The following FRRS1 variants were observed in gnomAD, a reference collection of about 807,000 sequenced individuals.
The protein encoded by FRRS1 is ferric reductase 1.
Under a neutral mutation model 70.7 loss-of-function variants are expected in FRRS1, and 51 were observed. That is an observed-to-expected ratio of 0.72 (90% confidence interval 0.58 to 0.91). The LOEUF (loss-of-function observed/expected upper bound fraction) is 0.91, where lower values mean the gene tolerates loss of function less well. Among genes scored for constraint, FRRS1 ranks in the 40% least tolerant of loss-of-function variants. FRRS1 has a pLI of 0.00. For synonymous variants in FRRS1, 225 were observed against 238.7 expected (o/e 0.94, Z 0.53); for missense variants, 672 against 726.0 (o/e 0.93, Z 0.86).
intron 5 of FRRS1, 35 bp downstream of exon 5, chr1:99,742,144 A>G: frequency 7.5e-7 from 1 of 1,341,788 alleles, no homozygotes. Flanking sequence ...ATGAGCCACC[A>G]TGCCTGGCCC....
chr1:99,748,490 T>G (rs2100982519), intron 3 of FRRS1, 83 bp downstream of exon 3: 1 of 1,129,576 alleles, frequency 8.9e-7, no homozygotes, highest in Non-Finnish European at 1.3e-6. Context: ...AAGTGAAATC[T>G]TCTAAATCAA....
intron 7 of FRRS1, 107 bp downstream of exon 7, chr1:99,737,979 G>T (rs560387100): frequency 1.5e-5 from 13 of 857,388 alleles, no homozygotes; most frequent in Non-Finnish European, 2.3e-5. Context: ...CCGACCTCGT[G>T]ATCCACCTGC....
rs57154873 is a variant in FRRS1, at chr1:99,706,408, CAAA to C, written c.*2617_*2619del. Among the ~76,000 whole-genome samples, 14 of 92,928 alleles carry C rather than the reference CAAA, an allele frequency of 1.5e-4. No homozygotes were observed. Among genetic ancestry groups the C allele is most frequent in the Non-Finnish European group, 1.4e-4 (6 of 41,472 alleles). 61.0% of individuals were successfully genotyped at this position (92,928 alleles called of 152,430 possible). A position where few individuals can be genotyped will look rare whatever the true frequency, so the allele number is the denominator to read the frequency against. On this transcript the variant is annotated 3_prime_UTR_variant, in exon 17 of 17. Coordinates refer to ENST00000646001, the MANE Select transcript of FRRS1 (RefSeq NM_001361041.2). The stretch of plus-strand genomic sequence containing the variant: ...TGGGCAACAGAGTAAGACCCTGTCT[CAAA>C]AAAAAAAAAAAAAGATTAAATGCAA...
intron 5 of FRRS1, 34 bp downstream of exon 5, chr1:99,742,145 T>C (rs755957967): frequency 7.4e-6 from 10 of 1,353,294 alleles, no homozygotes; most frequent in East Asian, 2.3e-5. Flanking sequence ...TGAGCCACCA[T>C]GCCTGGCCCA....
intron 1 of FRRS1, among the ~76,000 whole-genome samples, chr1:99,761,236 C>A (rs926602260): frequency 6.6e-6 from 1 of 152,066 alleles, no homozygotes; most frequent in Admixed American, 6.5e-5. Flanking sequence ...AAGCAATCCT[C>A]CCACCTCACC....
chr1:99,730,442 C>A (rs1019539705), intron 7 of FRRS1, among the ~76,000 whole-genome samples: 2 of 152,184 alleles, frequency 1.3e-5, no homozygotes, highest in Non-Finnish European at 1.5e-5. Context: ...GATAATCAAG[C>A]CAGACACAGT....
At chr1:99,716,162 G>A (rs1466195864) in intron 11 of FRRS1, among the ~76,000 whole-genome samples, 1 of 152,198 alleles carries the variant, frequency 6.6e-6, no homozygotes, top group African/African-American at 2.4e-5. Flanking sequence ...GAGAATAAGT[G>A]TGAAAATAGC....
chr1:99,757,499 G>C (rs1656895525), intron 1 of FRRS1, among the ~76,000 whole-genome samples: 2 of 152,174 alleles, frequency 1.3e-5, no homozygotes, highest in African/African-American at 4.8e-5. Flanking sequence ...CCATTTGTGA[G>C]CCTGAACAAA....
Position 99,709,082 on chromosome 1 carries a change from G to T in FRRS1, c.1725C>A (p.Val575=). The change falls in exon 17 of 17, where the codon GTC becomes GTA. Residue 575 remains valine, a synonymous_variant. Coordinates refer to ENST00000646001, the MANE Select transcript of FRRS1 (RefSeq NM_001361041.2). The part of the protein sequence containing the change: ...AFKKAVLAIY[V]CGNVTFLIIF... Reference sequence around the variant, plus strand: ...TGATGAGAAAAGTAACATTCCCACAGACATAAATTGCCAACACTGCCTTTT... The same window carrying T: ...TGATGAGAAAAGTAACATTCCCACATACATAAATTGCCAACACTGCCTTTT... 6.2e-7 allele frequency: 1 copy of T among 1,613,322 alleles called. No homozygotes were observed. Among genetic ancestry groups the T allele is most frequent in the Non-Finnish European group, 8.5e-7 (1 of 1,179,780 alleles).
intron 9 of FRRS1, 49 bp from the exon 10 acceptor site, chr1:99,719,696 C>A: frequency 9.7e-7 from 1 of 1,026,934 alleles, no homozygotes; most frequent in South Asian, 1.3e-5. Flanking sequence ...ATTACTTCCT[C>A]AAATAAAAAA....
At chr1:99,744,450 G>A (rs1214904941) in intron 4 of FRRS1, among the ~76,000 whole-genome samples, 1 of 152,102 alleles carries the variant, frequency 6.6e-6, no homozygotes, top group Non-Finnish European at 1.5e-5. Context: ...GAAAATCATT[G>A]AAGATACCAT....
At chr1:99,742,334 T>TTCTA (rs1249888201) in intron 4 of FRRS1, 61 bp from the exon 5 acceptor site, 1 of 1,009,460 alleles carries the variant, frequency 9.9e-7, no homozygotes, top group Non-Finnish European at 1.6e-6. Flanking sequence ...TGGCTGGAAC[T>TTCTA]TCTATCATTT....
intron 1 of FRRS1, among the ~76,000 whole-genome samples, chr1:99,762,020 A>G (rs574518179): frequency 6.6e-6 from 1 of 152,346 alleles, no homozygotes; most frequent in South Asian, 2.1e-4. Flanking sequence ...GACACTTGCC[A>G]AAGTTACAGA....
intron 15 of FRRS1, among the ~76,000 whole-genome samples, chr1:99,709,473 A>G (rs1044910517): frequency 1.3e-5 from 2 of 152,206 alleles, no homozygotes; most frequent in Non-Finnish European, 2.9e-5. Flanking sequence ...AACTTAAAAT[A>G]TGCCTTCTTC....
chr1:99,738,842 A>G (rs1655809391), intron 6 of FRRS1, among the ~76,000 whole-genome samples: 1 of 152,222 alleles, frequency 6.6e-6, no homozygotes, highest in South Asian at 2.1e-4. Context: ...CCAAATAACC[A>G]TAGTGATTTA....
chr1:99,753,239 G>T (rs1322133030), intron 1 of FRRS1, among the ~76,000 whole-genome samples: 2 of 144,372 alleles, frequency 1.4e-5, no homozygotes, highest in African/African-American at 2.5e-5. Flanking sequence ...AAAAAAAAAA[G>T]GCTGGGTGCG....
At chr1:99,729,601 G>T in intron 8 of FRRS1, 49 bp downstream of exon 8, 1 of 1,164,648 alleles carries the variant, frequency 8.6e-7, no homozygotes, top group Non-Finnish European at 1.3e-6. Flanking sequence ...TAGCCACACA[G>T]CCGGAAAGCG....
intron 15 of FRRS1, 111 bp from the exon 16 acceptor site, chr1:99,709,370 T>C (rs1654170981): frequency 1.4e-6 from 1 of 715,800 alleles, no homozygotes. Context: ...GTAGAAATTC[T>C]CCCACTCCAA....
At chr1:99,719,443 A>G in intron 10 of FRRS1, 91 bp downstream of exon 10, 1 of 685,272 alleles carries the variant, frequency 1.5e-6, no homozygotes, top group Non-Finnish European at 2.6e-6. Context: ...TATAAAAATT[A>G]GCTACATTAT....
Sources: allele counts gnomAD v4.1 joint callset (sites outside exome capture counted in the v4.1 genomes callset), GRCh38; gene constraint gnomAD v4.1.1; transcripts MANE v1.5; gene names NCBI Gene and HGNC (gene_info 2026-07-23, HGNC 2026-07-21).